The following FRK variants were observed in gnomAD, a reference collection of about 807,000 sequenced individuals.
FRK encodes the protein tyrosine-protein kinase FRK.
Under a neutral mutation model 56.4 loss-of-function variants are expected in FRK, and 51 were observed. The observed-to-expected ratio is 0.90, with a 90% CI of 0.72 to 1.14. FRK has a LOEUF of 1.14. Among genes scored for constraint, FRK ranks in the 50% most tolerant of loss-of-function variants. The pLI, the probability that FRK is intolerant of heterozygous loss-of-function variation, is 0.00. For synonymous variants in FRK, 245 were observed against 217.9 expected (o/e 1.12, Z -1.10); for missense variants, 570 against 601.4 (o/e 0.95, Z 0.55).
intron 4 of FRK, among the ~76,000 whole-genome samples, chr6:115,957,372 G>C (rs755969888): frequency 3.3e-5 from 5 of 152,176 alleles, no homozygotes; most frequent in African/African-American, 4.8e-5. Flanking sequence ...TAAAATCTAA[G>C]AGGAGGAAGA....
chr6:116,056,085 C>G (rs1034562271), intron 1 of FRK, among the ~76,000 whole-genome samples: 3 of 152,144 alleles, frequency 2.0e-5, no homozygotes, highest in African/African-American at 7.2e-5. Flanking sequence ...CTACCAATCC[C>G]CTTTCTGGGA....
At chr6:116,098,940 T>C in the FRK span, among the ~76,000 whole-genome samples, 2 of 152,338 alleles carry the variant, frequency 1.3e-5, no homozygotes, top group Non-Finnish European at 2.9e-5. Flanking sequence ...TACAAGCCTC[T>C]AGGATTGGAT....
intron 2 of FRK, among the ~76,000 whole-genome samples, chr6:115,980,489 A>G (rs780676735): frequency 1.2e-4 from 19 of 152,202 alleles, no homozygotes; most frequent in Non-Finnish European, 2.4e-4. Flanking sequence ...TGTGGAAACC[A>G]TAATTGTATA....
upstream of FRK, among the ~76,000 whole-genome samples, chr6:116,063,450 C>T (rs1777687875): frequency 6.6e-6 from 1 of 151,426 alleles, no homozygotes; most frequent in Non-Finnish European, 1.5e-5. Flanking sequence ...TGAAATAAAC[C>T]AGACATGGAG....
intron 2 of FRK, among the ~76,000 whole-genome samples, chr6:115,974,439 C>A (rs1221172926): frequency 6.6e-6 from 1 of 152,054 alleles, no homozygotes; most frequent in Admixed American, 6.5e-5. Flanking sequence ...AACTGTAAAA[C>A]CCAATGCTTG....
At chr6:115,985,995 G>C (rs540810904) in intron 2 of FRK, among the ~76,000 whole-genome samples, 3 of 133,878 alleles carry the variant, frequency 2.2e-5, no homozygotes, top group South Asian at 2.7e-4. Context: ...CTTTTGGTTG[G>C]GGGGGAACAG....
rs1772214184 is a variant in FRK, at chr6:115,942,257, C to T, written c.*157G>A. 1.6e-6 allele frequency: 1 copy of T among 631,034 alleles called. No individual in the cohort carries two copies. The highest frequency in any genetic ancestry group is 2.7e-6 in the Non-Finnish European group (1 of 364,894). 39.1% of individuals were successfully genotyped at this position (631,034 alleles called of 1,614,324 possible). On this transcript the variant is annotated 3_prime_UTR_variant, in exon 8 of 8. Transcript: ENST00000606080. ...GCAGTGTTGCCCAGTCAATAAAATG[C>T]ACAAATAATCTTTTTCATAATACAT...
chr6:115,969,960 TTGA>T (rs1347732138), intron 2 of FRK, among the ~76,000 whole-genome samples: 1 of 152,214 alleles, frequency 6.6e-6, no homozygotes, highest in Non-Finnish European at 1.5e-5. Context: ...AGCAAAGTTG[TTGA>T]TAAGTATTGG....
At chr6:116,099,316 A>G in the FRK span, among the ~76,000 whole-genome samples, 1 of 152,224 alleles carries the variant, frequency 6.6e-6, no homozygotes, top group African/African-American at 2.4e-5. Context: ...GGAAGTCCCT[A>G]AAGTACCTAA....
At chr6:116,040,769 C>T (rs1477868151) in intron 1 of FRK, among the ~76,000 whole-genome samples, 2 of 152,070 alleles carry the variant, frequency 1.3e-5, no homozygotes, top group Non-Finnish European at 2.9e-5. Context: ...TTCATAGGCT[C>T]ATTACTAGTA....
intron 2 of FRK, among the ~76,000 whole-genome samples, chr6:115,972,578 C>A (rs981117650): frequency 6.6e-6 from 1 of 152,188 alleles, no homozygotes; most frequent in Non-Finnish European, 1.5e-5. Flanking sequence ...CTCCTTGTAT[C>A]CTTTCTAAAT....
intron 2 of FRK, among the ~76,000 whole-genome samples, chr6:115,987,513 C>G (rs1236076183): frequency 6.6e-6 from 1 of 152,126 alleles, no homozygotes; most frequent in Non-Finnish European, 1.5e-5. Context: ...CATTTCTACT[C>G]TAACTCGTTA....
At chr6:116,001,950 A>G (rs1421941495) in intron 2 of FRK, among the ~76,000 whole-genome samples, 2 of 152,228 alleles carry the variant, frequency 1.3e-5, no homozygotes, top group African/African-American at 4.8e-5. Context: ...TTTTCAAAAC[A>G]AAAATTGTGT....
chr6:115,959,515 T>G (rs1223744284), intron 4 of FRK, among the ~76,000 whole-genome samples: 1 of 152,172 alleles, frequency 6.6e-6, no homozygotes, highest in Non-Finnish European at 1.5e-5. Flanking sequence ...AAATCTCAGG[T>G]GCTAGAATAG....
chr6:115,975,731 C>T (rs1773968744), intron 2 of FRK, among the ~76,000 whole-genome samples: 1 of 152,142 alleles, frequency 6.6e-6, no homozygotes, highest in Non-Finnish European at 1.5e-5. Context: ...AAACTGGAAT[C>T]ATCCATCAAT....
chr6:115,993,140 T>C (rs1310596316), intron 2 of FRK, among the ~76,000 whole-genome samples: 2 of 151,730 alleles, frequency 1.3e-5, no homozygotes, highest in Non-Finnish European at 3.0e-5. Flanking sequence ...CTACAACCTA[T>C]ACACGGATGT....
At chr6:115,948,536 G>T (rs1038627521) in intron 5 of FRK, among the ~76,000 whole-genome samples, 1 of 152,306 alleles carries the variant, frequency 6.6e-6, no homozygotes, top group South Asian at 2.1e-4. Context: ...CAGTTTTCTT[G>T]TAGGTTTATC....
chr6:116,046,792 G>A (rs1303413379), intron 1 of FRK, among the ~76,000 whole-genome samples: 1 of 151,112 alleles, frequency 6.6e-6, no homozygotes, highest in African/African-American at 2.5e-5. Flanking sequence ...ATAAGAAGAA[G>A]AATAAACATT....
chr6:115,942,983 T>G, intron 7 of FRK, 37 bp downstream of exon 7: 7 of 1,587,670 alleles, frequency 4.4e-6, no homozygotes, highest in Non-Finnish European at 6.0e-6. Context: ...GTAAGTGACA[T>G]GCAGCAGAAA....
Sources: allele counts gnomAD v4.1 joint callset (sites outside exome capture counted in the v4.1 genomes callset), GRCh38; gene constraint gnomAD v4.1.1; transcripts MANE v1.5; gene names NCBI Gene and HGNC (gene_info 2026-07-23, HGNC 2026-07-21).